The following THSD4 variants were observed in gnomAD, a reference collection of about 807,000 sequenced individuals.
THSD4 encodes the protein thrombospondin type 1 domain containing 4.
THSD4 carries 69 observed loss-of-function variants against 119.0 expected under a neutral mutation model. That is an observed-to-expected ratio of 0.58 (90% CI 0.48 to 0.71). THSD4 has a LOEUF of 0.71. THSD4 is among the 30% of genes least tolerant of loss of function. The pLI, the probability that THSD4 is intolerant of heterozygous loss-of-function variation, is 0.00. For synonymous variants in THSD4, 524 were observed against 540.4 expected (o/e 0.97, Z 0.42); for missense variants, 1,393 against 1,391.1 (o/e 1.00, Z -0.02).
At chr15:71,171,613 T>C (rs930790668) in intron 3 of THSD4, among the ~76,000 whole-genome samples, 1 of 152,198 alleles carries the variant, frequency 6.6e-6, no homozygotes, top group Non-Finnish European at 1.5e-5. Context: ...GGTAACTATA[T>C]TTTAAAAGTT....
chr15:71,408,521 CT>C (rs2140497046), intron 6 of THSD4, among the ~76,000 whole-genome samples: 1 of 152,270 alleles, frequency 6.6e-6, no homozygotes, highest in South Asian at 2.1e-4. Context: ...ACATGAGCCA[CT>C]GTGCCCGGCC....
Position 71,663,088 on chromosome 15 carries a change from A to G in THSD4, c.1357+2354A>G, listed in dbSNP as rs529342006. ...ACATCAAGTGAGACCCCATCTCTAC[A>G]AAAAAATTTAAAAATCAGCCAGATG... On this transcript the variant is annotated intron_variant, in intron 8 of 17. Coordinates refer to ENST00000261862, the MANE Select transcript of THSD4 (RefSeq NM_024817.3). 4.4e-4 allele frequency among the ~76,000 whole-genome samples: 67 copies of G among 152,086 alleles called. No homozygotes were observed. The South Asian group carries it at 0.011, about 25-fold the overall frequency.
chr15:71,631,288 C>T (rs2050624589), intron 7 of THSD4, among the ~76,000 whole-genome samples: 1 of 152,062 alleles, frequency 6.6e-6, no homozygotes, highest in African/African-American at 2.4e-5. Context: ...TTCTAGGATA[C>T]ACTCAGGGTT....
chr15:71,502,857 G>A (rs144917235), intron 7 of THSD4, among the ~76,000 whole-genome samples: 5 of 152,272 alleles, frequency 3.3e-5, no homozygotes, highest in Admixed American at 3.3e-4. Context: ...GCCAAAATAA[G>A]AACTATAATA....
chr15:71,686,419 T>C (rs1362347070), intron 8 of THSD4, among the ~76,000 whole-genome samples: 1 of 152,132 alleles, frequency 6.6e-6, no homozygotes, highest in Non-Finnish European at 1.5e-5. Flanking sequence ...GGCTATACAG[T>C]TTATACCAGA....
chr15:71,564,227 T>C (rs2049180096), intron 7 of THSD4, among the ~76,000 whole-genome samples: 1 of 152,142 alleles, frequency 6.6e-6, no homozygotes, highest in African/African-American at 2.4e-5. Flanking sequence ...AAACTGAAGA[T>C]TCAAAGGTGG....
chr15:71,665,664 G>T (rs1366121487), intron 8 of THSD4, among the ~76,000 whole-genome samples: 1 of 152,078 alleles, frequency 6.6e-6, no homozygotes, highest in African/African-American at 2.4e-5. Flanking sequence ...ATCTTGAGTT[G>T]ATTTTTATAT....
intron 3 of THSD4, among the ~76,000 whole-genome samples, chr15:71,199,869 G>GTGC (rs2043779824): frequency 8.1e-6 from 1 of 124,032 alleles, no homozygotes; most frequent in South Asian, 2.5e-4. Context: ...TGTGGGGTGT[G>GTGC]TGTGTGTGTG....
intron 6 of THSD4, among the ~76,000 whole-genome samples, chr15:71,297,588 C>A (rs1249851775): frequency 6.6e-6 from 1 of 152,118 alleles, no homozygotes; most frequent in Non-Finnish European, 1.5e-5. Flanking sequence ...CCTGCCTTGG[C>A]CTCCCAAAGT....
At chr15:71,250,959 A>G (rs1426324615) in intron 5 of THSD4, among the ~76,000 whole-genome samples, 1 of 152,208 alleles carries the variant, frequency 6.6e-6, no homozygotes, top group Non-Finnish European at 1.5e-5. Context: ...CAAAAATCTC[A>G]GATAAAACAA....
At chr15:71,441,052 G>C (rs1459674391) in intron 7 of THSD4, among the ~76,000 whole-genome samples, 1 of 152,102 alleles carries the variant, frequency 6.6e-6, no homozygotes, top group African/African-American at 2.4e-5. Flanking sequence ...ATTTCTCAGA[G>C]ACACAGTCCT....
At chr15:71,457,432 C>G (rs373762960) in intron 7 of THSD4, among the ~76,000 whole-genome samples, 1 of 149,428 alleles carries the variant, frequency 6.7e-6, no homozygotes, top group East Asian at 2.0e-4. Context: ...TGTTTCCAAC[C>G]TTGCCCATTC....
chr15:71,673,767 G>A (rs2051581122), intron 8 of THSD4, among the ~76,000 whole-genome samples: 4 of 152,178 alleles, frequency 2.6e-5, no homozygotes, highest in Admixed American at 2.0e-4. Context: ...CATTTCAGGA[G>A]CAGGTTGTTC....
At position 71,243,072 on chromosome 15, in the gene THSD4, G is replaced by T. The variant is rs768705401; in HGVS notation, c.888G>T (p.Arg296=). 19 of 1,613,636 alleles carry T rather than the reference G, an allele frequency of 1.2e-5. No individual in the cohort carries two copies. In the Admixed American group the frequency reaches 1.3e-4, roughly 11 times the overall value. Residue 296 remains arginine (R), a synonymous_variant, in exon 5 of 18, where the codon CGG becomes CGT. Transcript: ENST00000261862. ...STAISCIGAY[R]QYKLCNTNVC... ...CAATCTCATGCATCGGGGCCTATCG[G>T]CAGTACAAGCTGTGCAACACCAACG...
At chr15:71,702,233 G>A (rs1452689057) in intron 8 of THSD4, among the ~76,000 whole-genome samples, 1 of 152,186 alleles carries the variant, frequency 6.6e-6, no homozygotes, top group South Asian at 2.1e-4. Flanking sequence ...ATGTTGTAAC[G>A]GGACCAGGGA....
At chr15:71,243,283 A>C (rs923735872) in intron 5 of THSD4, among the ~76,000 whole-genome samples, 187 bp downstream of exon 5, 2 of 150,374 alleles carry the variant, frequency 1.3e-5, no homozygotes, top group Admixed American at 6.6e-5. Flanking sequence ...TTTTTTTTTA[A>C]AGTTATTGCT....
chr15:71,474,985 A>G (rs1293648021), intron 7 of THSD4, among the ~76,000 whole-genome samples: 3 of 152,138 alleles, frequency 2.0e-5, no homozygotes, highest in Non-Finnish European at 4.4e-5. Context: ...AGGAATGGAC[A>G]TTTCCAGGCC....
chr15:71,505,865 T>C (rs2048178478), intron 7 of THSD4, among the ~76,000 whole-genome samples: 2 of 152,210 alleles, frequency 1.3e-5, no homozygotes, highest in Admixed American at 6.5e-5. Flanking sequence ...CTGGTTCTCT[T>C]TGTATAAGCA....
At chr15:71,185,763 G>A (rs1487478532) in intron 3 of THSD4, 1 of 152,200 alleles carries the variant, frequency 6.6e-6, no homozygotes, top group Non-Finnish European at 1.5e-5. Context: ...GATAATGCAG[G>A]AGGTTTATTG....
Sources: gnomAD v4.1 joint callset for allele counts (sites outside exome capture counted in the v4.1 genomes callset) on GRCh38, gnomAD v4.1.1 for gene constraint, MANE v1.5 for transcripts, NCBI Gene and HGNC (gene_info 2026-07-23, HGNC 2026-07-21) for gene names.